The following GLIPR1L2 variants were observed in gnomAD, a reference collection of about 807,000 sequenced individuals.
The protein encoded by GLIPR1L2 is GLIPR1 like 2, also known as GLIPR1-like protein 2.
In GLIPR1L2, 21 loss-of-function variants were observed where a neutral mutation model predicts 28.4. That is an observed-to-expected ratio of 0.74 (90% confidence interval 0.52 to 1.06). The LOEUF is 1.06. Among genes scored for constraint, GLIPR1L2 ranks in the 50% least tolerant of loss-of-function variants. GLIPR1L2 has a pLI of 0.00. For synonymous variants in GLIPR1L2, 145 were observed against 139.3 expected (o/e 1.04, Z -0.29); for missense variants, 476 against 416.9 (o/e 1.14, Z -1.23).
chr12:75,392,457 T>G (rs947593818), intron 1 of GLIPR1L2, among the ~76,000 whole-genome samples: 4 of 152,192 alleles, frequency 2.6e-5, no homozygotes, highest in Non-Finnish European at 5.9e-5. Context: ...TCCTTTACCT[T>G]TTATATTGTC....
intron 3 of GLIPR1L2, among the ~76,000 whole-genome samples, chr12:75,419,141 C>A (rs1212684499): frequency 6.6e-6 from 1 of 151,732 alleles, no homozygotes; most frequent in East Asian, 1.9e-4. Flanking sequence ...GCACATGTAC[C>A]CGAGAATTTA....
Position 75,428,097 on chromosome 12 carries a change from GA to G in GLIPR1L2, c.671-2616del, listed in dbSNP as rs2046052873. 4.6e-5 allele frequency among the ~76,000 whole-genome samples: 7 copies of G among 152,220 alleles called. No individual in the cohort carries two copies. The South Asian group carries it at 1.4e-3, about 31-fold the overall frequency. ...TTGGAACCATTTGGAGGGCTCAGAA[GA>G]AGACAGGAAGATGTGGGAAAGTTTG... On this transcript the variant is annotated intron_variant, in intron 4 of 5. Coordinates refer to ENST00000550916, the MANE Select transcript of GLIPR1L2 (RefSeq NM_001270396.2).
chr12:75,422,823 A>C, intron 3 of GLIPR1L2, 81 bp from the exon 4 acceptor site: 1 of 1,170,130 alleles, frequency 8.5e-7, no homozygotes, highest in African/African-American at 1.6e-5. Context: ...CCTGATTAAA[A>C]ATTAGTAACT....
At chr12:75,411,778 C>T (rs1249092852) in intron 2 of GLIPR1L2, among the ~76,000 whole-genome samples, 2 of 151,944 alleles carry the variant, frequency 1.3e-5, no homozygotes, top group Non-Finnish European at 2.9e-5. Context: ...TTAAGAATCA[C>T]ACTTTTAAAA....
chr12:75,394,123 G>T (rs920855652), intron 1 of GLIPR1L2, among the ~76,000 whole-genome samples: 2 of 151,818 alleles, frequency 1.3e-5, no homozygotes, highest in Non-Finnish European at 2.9e-5. Context: ...TAGATTTTTT[G>T]TTGTTGAATT....
At chr12:75,413,489 T>A (rs2045892127) in intron 2 of GLIPR1L2, 109 bp from the exon 3 acceptor site, 6 of 646,550 alleles carry the variant, frequency 9.3e-6, no homozygotes, top group Non-Finnish European at 2.7e-6. Flanking sequence ...TTATATTTCT[T>A]GAATTGCTTG....
intron 1 of GLIPR1L2, chr12:75,391,643 G>A: frequency 2.6e-6 from 2 of 779,504 alleles, no homozygotes; most frequent in Admixed American, 2.8e-5. Flanking sequence ...TAATGCAACG[G>A]GTTTTTAAAA....
intron 1 of GLIPR1L2, chr12:75,391,706 A>AC: frequency 2.4e-6 from 1 of 421,704 alleles, no homozygotes; most frequent in Non-Finnish European, 4.3e-6. Flanking sequence ...AATGTTAAAA[A>AC]ATTTAACAAA....
chr12:75,423,062 G>GT, intron 4 of GLIPR1L2, 73 bp downstream of exon 4: 4 of 1,602,116 alleles, frequency 2.5e-6, no homozygotes, highest in Non-Finnish European at 2.6e-6. Flanking sequence ...TTGAACACTA[G>GT]TTTTTTATGG....
intron 2 of GLIPR1L2, 144 bp downstream of exon 2, chr12:75,410,823 T>C: frequency 1.6e-6 from 1 of 621,212 alleles, no homozygotes; most frequent in Non-Finnish European, 2.6e-6. Flanking sequence ...ATCTTCCTAG[T>C]CTTCAAAATG....
rs2045859247 is a variant in GLIPR1L2, at chr12:75,410,771, A to G, written c.480+92A>G. The G allele has an allele frequency of 6.4e-6, 6 of 944,632 alleles. No homozygotes were observed. In the East Asian group the frequency reaches 1.1e-4, roughly 17 times the overall value. The allele number at this position is 944,632 out of a possible 1,614,324, so 58.5% of individuals were successfully genotyped here. On this transcript the variant is annotated intron_variant, in intron 2 of 5. Transcript: ENST00000550916. ...GTTTCAAATTTGTACATAAACTCAA[A>G]TAATAAAATTATCACATTTAATAAG...
chr12:75,413,320 A>T (rs1287470251), intron 2 of GLIPR1L2, among the ~76,000 whole-genome samples: 5 of 151,694 alleles, frequency 3.3e-5, no homozygotes, highest in African/African-American at 4.8e-5. Flanking sequence ...CATTGTGCAC[A>T]TGTACCCTAA....
chr12:75,421,800 T>C (rs913791178), intron 3 of GLIPR1L2, among the ~76,000 whole-genome samples: 8 of 151,994 alleles, frequency 5.3e-5, no homozygotes, highest in Non-Finnish European at 1.0e-4. Context: ...CTTTATAAAT[T>C]TATGTGTTTT....
intron 1 of GLIPR1L2, among the ~76,000 whole-genome samples, chr12:75,397,243 T>C (rs2045690745): frequency 6.6e-6 from 1 of 152,122 alleles, no homozygotes. Flanking sequence ...CAATTGATTT[T>C]TTAAAATTTC....
chr12:75,421,819 C>T (rs1242320478), intron 3 of GLIPR1L2, among the ~76,000 whole-genome samples: 2 of 151,838 alleles, frequency 1.3e-5, no homozygotes, highest in African/African-American at 4.8e-5. Flanking sequence ...TTTATATATA[C>T]CCCCAAAATA....
At chr12:75,393,208 ATTG>A (rs2045649614) in intron 1 of GLIPR1L2, among the ~76,000 whole-genome samples, 1 of 152,092 alleles carries the variant, frequency 6.6e-6, no homozygotes, top group Non-Finnish European at 1.5e-5. Flanking sequence ...TACCAAAAAA[ATTG>A]TTGTTTTTAA....
chr12:75,406,078 C>A (rs1278064865), intron 1 of GLIPR1L2, among the ~76,000 whole-genome samples: 2 of 147,534 alleles, frequency 1.4e-5, no homozygotes, highest in African/African-American at 5.0e-5. Context: ...TGCTTTATAT[C>A]AACTTTATTA....
intron 3 of GLIPR1L2, among the ~76,000 whole-genome samples, chr12:75,418,850 C>CATG (rs1309834655): frequency 6.6e-6 from 1 of 151,982 alleles, no homozygotes; most frequent in Admixed American, 6.6e-5. Flanking sequence ...CTCTTTTATT[C>CATG]ATGTCCTTTG....
chr12:75,406,435 G>C (rs2045800770), intron 1 of GLIPR1L2, among the ~76,000 whole-genome samples: 1 of 151,954 alleles, frequency 6.6e-6, no homozygotes, highest in African/African-American at 2.4e-5. Context: ...TATTTAATAG[G>C]TTAAATTGCA....
Sources: allele counts gnomAD v4.1 joint callset (sites outside exome capture counted in the v4.1 genomes callset), GRCh38; gene constraint gnomAD v4.1.1; transcripts MANE v1.5; gene names NCBI Gene and HGNC (gene_info 2026-07-23, HGNC 2026-07-21).